Variants in IPO7 observed in about 807,000 individuals in gnomAD.
The protein encoded by IPO7 is importin-7.
Under a neutral mutation model 136.4 loss-of-function variants are expected in IPO7, and 13 were observed. That is an observed-to-expected ratio of 0.10 (90% CI 0.06 to 0.15). The LOEUF (loss-of-function observed/expected upper bound fraction) is 0.15, where lower values mean the gene tolerates loss of function less well. Among genes scored for constraint, IPO7 ranks in the 10% least tolerant of loss-of-function variants. The pLI, the probability that IPO7 is intolerant of heterozygous loss-of-function variation, is 1.00. For synonymous variants in IPO7, 403 were observed against 404.4 expected (o/e 1.00, Z 0.04); for missense variants, 857 against 1,240.6 (o/e 0.69, Z 4.65).
At chr11:9,440,751 T>A (rs1855450855) in intron 23 of IPO7, 90 bp downstream of exon 23, 3 of 1,051,672 alleles carry the variant, frequency 2.9e-6, no homozygotes, top group Non-Finnish European at 4.4e-6. Context: ...TTGGAGGATA[T>A]CAAACCCAGA....
chr11:9,428,689 C>T, intron 13 of IPO7, 60 bp downstream of exon 13: 3 of 917,504 alleles, frequency 3.3e-6, no homozygotes, highest in Non-Finnish European at 5.5e-6. Flanking sequence ...ACTCTGTGGA[C>T]TTTTATATTG....
chr11:9,426,940 G>T lies in IPO7; in HGVS notation c.1336-1600G>T, dbSNP rs1301949044. Among the ~76,000 whole-genome samples the T allele has an allele frequency of 2.7e-5, 4 of 150,804 alleles. No homozygotes were observed. In the East Asian group the frequency reaches 7.9e-4, roughly 30 times the overall value. On this transcript the variant is annotated intron_variant, in intron 12 of 24. Coordinates refer to ENST00000379719, the MANE Select transcript of IPO7 (RefSeq NM_006391.3). ...CCGCCATATGCTGGAGTGCAGTGGC[G>T]CAATCTCGACTCACTGCAACCTCTA...
rs1164303193 is a variant in IPO7, at chr11:9,414,619, C to CTTTTTTTTTTTTTTTTTTTTTTTT, written c.636+212_636+235dup. Reference sequence around the variant, plus strand: ...AAATACATAAACAACCCTAATGAATCTTTTTTTTTTTTTTTTTTTTTTTTT... The same window carrying CTTTTTTTTTTTTTTTTTTTTTTTT: ...AAATACATAAACAACCCTAATGAATCTTTTTTTTTTTTTTTTTTTTTTTTTTTTTTTTTTTTTTTTTTTTTTTTT... On this transcript the variant is annotated intron_variant, in intron 5 of 24. Transcript: ENST00000379719. 2.8e-5 allele frequency: 2 copies of CTTTTTTTTTTTTTTTTTTTTTTTT among 71,068 alleles called. 1 individual carries two copies. The highest frequency in any genetic ancestry group is 5.2e-5 in the Non-Finnish European group (2 of 38,222). 4.4% of individuals were successfully genotyped at this position (71,068 alleles called of 1,614,324 possible).
At chr11:9,421,231 G>T (rs1855123006) in intron 8 of IPO7, among the ~76,000 whole-genome samples, 1 of 151,810 alleles carries the variant, frequency 6.6e-6, no homozygotes, top group South Asian at 2.1e-4. Context: ...AAAGTGCTGG[G>T]ATTACAGGCA....
intron 1 of IPO7, chr11:9,402,775 C>T (rs111226761): frequency 0.1 from 16,220 of 155,076 alleles, 1,149 homozygotes; most frequent in Non-Finnish European, 0.15. Context: ...ATCGCTTGAA[C>T]CCAGGAGGTG....
intron 1 of IPO7, among the ~76,000 whole-genome samples, chr11:9,399,609 G>A (rs1854765369): frequency 6.6e-6 from 1 of 152,170 alleles, no homozygotes; most frequent in South Asian, 2.1e-4. Context: ...ATAATTTTCA[G>A]TGGAAAATTA....
At chr11:9,396,307 A>G (rs1854707936) in intron 1 of IPO7, among the ~76,000 whole-genome samples, 1 of 152,086 alleles carries the variant, frequency 6.6e-6, no homozygotes, top group African/African-American at 2.4e-5. Flanking sequence ...GAGGCAGGAG[A>G]GTCATTTCAA....
At chr11:9,432,125 C>T (rs1224092275) in intron 16 of IPO7, among the ~76,000 whole-genome samples, 3 of 151,500 alleles carry the variant, frequency 2.0e-5, no homozygotes, top group Non-Finnish European at 2.9e-5. Context: ...AATGCAGATG[C>T]TTGTAATGTA....
intron 1 of IPO7, among the ~76,000 whole-genome samples, chr11:9,399,186 A>T (rs1377444333): frequency 6.7e-6 from 1 of 148,706 alleles, no homozygotes; most frequent in Non-Finnish European, 1.5e-5. Context: ...TTTTTTTGAC[A>T]GAGTTTCACT....
chr11:9,431,909 A>G (rs112607103), intron 16 of IPO7, among the ~76,000 whole-genome samples: 5 of 152,226 alleles, frequency 3.3e-5, no homozygotes, highest in African/African-American at 1.2e-4. Context: ...CGAGAGGCAG[A>G]CGCTGCAGTG....
chr11:9,434,867 T>A (rs1453840124), intron 18 of IPO7, 67 bp from the exon 19 acceptor site: 8 of 1,124,994 alleles, frequency 7.1e-6, no homozygotes, highest in Non-Finnish European at 1.1e-5. Context: ...TCTAAGGAAA[T>A]TTTTCAAAAG....
intron 1 of IPO7, among the ~76,000 whole-genome samples, chr11:9,396,198 CCAG>C (rs1014929867): frequency 9.2e-5 from 14 of 151,960 alleles, no homozygotes; most frequent in African/African-American, 3.1e-4. Context: ...GAGTTGGAGA[CCAG>C]CCTGGCCAGC....
chr11:9,417,971 C>T (rs1192100276), intron 6 of IPO7, among the ~76,000 whole-genome samples: 1 of 151,404 alleles, frequency 6.6e-6, no homozygotes, highest in Admixed American at 6.6e-5. Flanking sequence ...CCTTGGCCTC[C>T]CAAAGTGCTG....
At chr11:9,439,865 G>C (rs772476078) in intron 22 of IPO7, among the ~76,000 whole-genome samples, 2 of 152,178 alleles carry the variant, frequency 1.3e-5, no homozygotes, top group African/African-American at 4.8e-5. Context: ...GAGCCACCGC[G>C]CCCGGCGAAT....
chr11:9,431,849 C>T (rs2133758228), intron 16 of IPO7, among the ~76,000 whole-genome samples: 1 of 152,158 alleles, frequency 6.6e-6, no homozygotes, highest in South Asian at 2.1e-4. Flanking sequence ...GTGGCGGGCG[C>T]CTGTAATCCC....
intron 1 of IPO7, among the ~76,000 whole-genome samples, chr11:9,390,895 G>T (rs564747016): frequency 1.3e-5 from 2 of 151,930 alleles, no homozygotes; most frequent in East Asian, 1.9e-4. Flanking sequence ...TCAGCCTCCC[G>T]AGTAGCTGGG....
intron 12 of IPO7, among the ~76,000 whole-genome samples, chr11:9,427,381 C>T (rs1344281958): frequency 1.3e-5 from 2 of 152,150 alleles, no homozygotes; most frequent in Admixed American, 6.6e-5. Flanking sequence ...CTGCCTCAGC[C>T]TCCCGAGTAG....
chr11:9,398,520 A>C (rs372624941), intron 1 of IPO7, among the ~76,000 whole-genome samples: 1 of 152,334 alleles, frequency 6.6e-6, no homozygotes, highest in African/African-American at 2.4e-5. Flanking sequence ...CAAGAGAAGG[A>C]TGTTGTAGGT....
chr11:9,439,911 A>T (rs990254925), intron 22 of IPO7, among the ~76,000 whole-genome samples: 1 of 152,126 alleles, frequency 6.6e-6, no homozygotes, highest in Non-Finnish European at 1.5e-5. Context: ...GCTTCTAAAG[A>T]TTTATGGTCT....
Sources: allele counts gnomAD v4.1 joint callset (sites outside exome capture counted in the v4.1 genomes callset), GRCh38; gene constraint gnomAD v4.1.1; transcripts MANE v1.5; gene names NCBI Gene and HGNC (gene_info 2026-07-23, HGNC 2026-07-21).